MAK: variants seen among roughly 807,000 people sequenced by gnomAD.
MAK encodes male germ cell associated kinase.
Under a neutral mutation model 82.6 loss-of-function variants are expected in MAK, and 65 were observed. That is an observed-to-expected ratio of 0.79 (90% CI 0.64 to 0.97). The LOEUF (loss-of-function observed/expected upper bound fraction) is 0.97. Ranked by LOEUF, MAK falls within the 50% of genes least tolerant of loss-of-function variation. The pLI is 0.00. For missense variants in MAK, 703 were observed against 780.2 expected (o/e 0.90, Z 1.18); for synonymous variants, 250 against 274.2 (o/e 0.91, Z 0.87).
intron 2 of MAK, among the ~76,000 whole-genome samples, chr6:10,825,366 A>G (rs1045224075): frequency 2.6e-5 from 4 of 151,854 alleles, no homozygotes; most frequent in East Asian, 1.9e-4. Context: ...GATATTTTCT[A>G]CATTCTCCTG....
In MAK at chr6:10,796,058, T is replaced by C. The variant is rs1348229595; in HGVS notation, c.1083A>G (p.Gln361=). The change falls in exon 9 of 15, where the codon CAA becomes CAG. Residue 361 remains glutamine, a synonymous_variant. Transcript: ENST00000354489. ...QNLSVQQPPK[Q]QSQEKPPQTL... ...TTTGTGGCGGTTTCTCCTGACTCTGTTGCTTTGGAGGTTGCTGGACGCTCA... is the reference window on the plus strand; with the variant it reads ...TTTGTGGCGGTTTCTCCTGACTCTGCTGCTTTGGAGGTTGCTGGACGCTCA... The C allele has an allele frequency of 3.1e-6, 5 of 1,613,994 alleles. No individual in the cohort carries two copies. Among genetic ancestry groups the C allele is most frequent in the Non-Finnish European group, 4.2e-6 (5 of 1,179,988 alleles).
chr6:10,835,214 C>G (rs1260458905), intron 1 of MAK, among the ~76,000 whole-genome samples: 2 of 152,222 alleles, frequency 1.3e-5, no homozygotes, highest in African/African-American at 4.8e-5. Context: ...TCTTTTGAAG[C>G]TTTGCAAACC....
rs563654047 is a variant in MAK at position 10,793,895 on chromosome 6, G to A, written c.1144-2048C>T. Among the ~76,000 whole-genome samples, 2 of 152,272 alleles carry A rather than the reference G, an allele frequency of 1.3e-5. No individual in the cohort carries two copies. Among genetic ancestry groups the A allele is most frequent in the East Asian group, 1.9e-4 (1 of 5,180 alleles). ...TGGTTTAGAATGTCGGAGGTGATTC[G>A]CCCTGCTCTATATTCCCTGCCTGCT... On this transcript the variant is annotated intron_variant, in intron 9 of 14. Transcript: ENST00000354489. This position sits in a 1 kb window ranked among gnomAD's most constrained non-coding sequence, Gnocchi z 4.6.
At chr6:10,766,625 TAGTG>T (rs1188319914) in intron 14 of MAK, among the ~76,000 whole-genome samples, 1 of 152,138 alleles carries the variant, frequency 6.6e-6, no homozygotes, top group Admixed American at 6.6e-5. Flanking sequence ...TCTGCTAAAT[TAGTG>T]AGCTCACCCA....
intron 13 of MAK, among the ~76,000 whole-genome samples, chr6:10,771,977 G>C (rs1409873495): frequency 6.6e-6 from 1 of 152,194 alleles, no homozygotes; most frequent in African/African-American, 2.4e-5. Flanking sequence ...TAAATGCTTA[G>C]CATGTGTTAA....
At chr6:10,794,220 A>G (rs1775319466) in intron 9 of MAK, among the ~76,000 whole-genome samples, 1 of 152,186 alleles carries the variant, frequency 6.6e-6, no homozygotes. Context: ...TGTTCCAAAG[A>G]TAAAAGTGGA....
chr6:10,831,287 C>T (rs1778795036), intron 1 of MAK, among the ~76,000 whole-genome samples: 1 of 152,014 alleles, frequency 6.6e-6, no homozygotes, highest in South Asian at 2.1e-4. Flanking sequence ...AATATAAGTA[C>T]CCCAATTGGG....
intron 9 of MAK, among the ~76,000 whole-genome samples, chr6:10,792,708 C>T (rs1183706604): frequency 6.6e-6 from 1 of 152,176 alleles, no homozygotes. Flanking sequence ...TCAGAAAATA[C>T]ACCTATGTTG....
Position 10,775,417 on chromosome 6 carries a change from T to G in MAK, c.1508A>C (p.Glu503Ala). The G allele has an allele frequency of 6.2e-7, 1 of 1,613,918 alleles. No homozygotes were observed. The highest frequency in any genetic ancestry group is 8.5e-7 in the Non-Finnish European group (1 of 1,179,846). Residue 503 changes from glutamate to alanine, a missense_variant, in exon 12 of 15, where the codon GAA becomes GCA. Transcript: ENST00000354489. ...GTTGCTCCAAGTGTGGGGGTTTATT[T>G]CCTTTCCACTGGCTATCAAGGACAC... ...KKVSLIASGK[E>A]INPHTWSNQL... is the part of the protein sequence containing the mutation.
intron 10 of MAK, among the ~76,000 whole-genome samples, chr6:10,790,876 T>C (rs1315922478): frequency 6.6e-6 from 1 of 152,200 alleles, no homozygotes; most frequent in Non-Finnish European, 1.5e-5. Flanking sequence ...ATCCTTGCGG[T>C]AACGAGTGAG....
chr6:10,790,254 C>A (rs1030321960), intron 10 of MAK, among the ~76,000 whole-genome samples: 12 of 151,896 alleles, frequency 7.9e-5, no homozygotes, highest in Non-Finnish European at 1.8e-4. Flanking sequence ...TAAGAGTTAT[C>A]CAAGCAAAAA....
At chr6:10,787,113 T>C (rs1474766703) in intron 10 of MAK, among the ~76,000 whole-genome samples, 1 of 150,364 alleles carries the variant, frequency 6.7e-6, no homozygotes, top group African/African-American at 2.5e-5. Flanking sequence ...ACCACTCCGC[T>C]AATGCACCAG....
In MAK at chr6:10,838,502, C is replaced by A. The variant is rs893896725; in HGVS notation, c.-230+1G>T. 4 of 152,296 alleles carry A rather than the reference C, an allele frequency of 2.6e-5. No individual in the cohort carries two copies. Among genetic ancestry groups the A allele is most frequent in the Admixed American group, 1.3e-4 (2 of 15,286 alleles). 9.4% of individuals were successfully genotyped at this position (152,296 alleles called of 1,614,324 possible). A position where few individuals can be genotyped will look rare whatever the true frequency, so the allele number is the denominator to read the frequency against. The stretch of plus-strand genomic sequence containing the variant: ...ATTACCTGTCCGCGCCTGCTGCTTA[C>A]CTCGTTCGCTCCCTTGTGAAGCTCC... On this transcript the variant is annotated splice_donor_variant, in intron 1 of 14. Coordinates refer to ENST00000354489, the MANE Select transcript of MAK (RefSeq NM_001242957.3). LOFTEE classifies it low-confidence loss of function (5UTR_SPLICE).
chr6:10,772,954 G>T (rs900916921), intron 13 of MAK, 80 bp downstream of exon 13: 3 of 947,884 alleles, frequency 3.2e-6, no homozygotes, highest in Non-Finnish European at 4.9e-6. Flanking sequence ...TTTATGTCAG[G>T]ATTAGGGGCA....
At chr6:10,817,126 G>A (rs1446145962) in intron 4 of MAK, among the ~76,000 whole-genome samples, 3 of 110,962 alleles carry the variant, frequency 2.7e-5, no homozygotes, top group East Asian at 2.3e-4. Flanking sequence ...GACCTTGAGC[G>A]AGAGTGTGTG....
Position 10,809,696 on chromosome 6 carries a change from A to G in MAK, c.359-754T>C, listed in dbSNP as rs1211860520. 3.9e-5 allele frequency among the ~76,000 whole-genome samples: 6 copies of G among 152,366 alleles called. No individual in the cohort carries two copies. The South Asian group carries it at 6.2e-4, about 16-fold the overall frequency. Reference sequence around the variant, plus strand: ...TTTATCTAATGTTCAGTTTTCCTCAATAGCTGTGTCGTTGCAAAATCCCAA... The same window carrying G: ...TTTATCTAATGTTCAGTTTTCCTCAGTAGCTGTGTCGTTGCAAAATCCCAA... On this transcript the variant is annotated intron_variant, in intron 5 of 14. Transcript: ENST00000354489.
chr6:10,765,379 A>G (rs1017882390), intron 14 of MAK, among the ~76,000 whole-genome samples: 1 of 151,568 alleles, frequency 6.6e-6, no homozygotes, highest in Non-Finnish European at 1.5e-5. Context: ...ATGGAAGAAC[A>G]CACATGGGGT....
chr6:10,784,521 CTT>C lies in MAK; in HGVS notation c.1366_1367del (p.Lys456GlufsTer11), dbSNP rs935003657. On this transcript the variant is annotated frameshift_variant, in exon 11 of 15. Transcript: ENST00000354489. LOFTEE classifies it high-confidence loss of function. ...SGSNHSTGEN[K>X]SLPAVTSLKS... is the part of the protein sequence containing the mutation. ...TTAGGGAAGTAACAGCAGGTAAGCT[CTT>C]GTTTTCCCCTGTCGAGTGGTTGGAG... is the stretch of plus-strand genomic sequence containing the variant. 20 of 1,614,160 alleles carry C rather than the reference CTT, an allele frequency of 1.2e-5. No individual in the cohort carries two copies. Among genetic ancestry groups the C allele is most frequent in the Non-Finnish European group, 1.7e-5 (20 of 1,180,012 alleles).
At chr6:10,835,490 C>T (rs911766059) in intron 1 of MAK, among the ~76,000 whole-genome samples, 1 of 152,238 alleles carries the variant, frequency 6.6e-6, no homozygotes, top group African/African-American at 2.4e-5. Context: ...GAACTCCTGA[C>T]CTCATGTGAT....
Sources: gnomAD v4.1 joint callset for allele counts (sites outside exome capture counted in the v4.1 genomes callset) on GRCh38, gnomAD v4.1.1 for gene constraint, Gnocchi (gnomAD v3.1) non-coding constraint, MANE v1.5 for transcripts, NCBI Gene and HGNC (gene_info 2026-07-23, HGNC 2026-07-21) for gene names.